Variants in CACNA2D1 observed in about 807,000 individuals in gnomAD.
CACNA2D1 encodes calcium voltage-gated channel auxiliary subunit alpha2delta 1.
CACNA2D1 carries 53 observed loss-of-function variants against 171.5 expected under a neutral mutation model. The ratio of observed to expected loss-of-function variants is 0.31; its 90% confidence interval spans 0.25 to 0.39. The LOEUF (loss-of-function observed/expected upper bound fraction) is 0.39. Among genes scored for constraint, CACNA2D1 ranks in the 10% least tolerant of loss-of-function variants. The probability of loss-of-function intolerance (pLI) is 1.00; values close to 1 mark genes in which losing one functional copy is unlikely to be tolerated. For synonymous variants in CACNA2D1, 442 were observed against 443.1 expected, an observed-to-expected ratio of 1.00 and a Z score of 0.03; for missense variants, 903 against 1,299.8, an observed-to-expected ratio of 0.69 and a Z score of 4.69.
intron 1 of CACNA2D1, among the ~76,000 whole-genome samples, chr7:82,397,557 A>ACAAAACAGTGAAGAAATACAAAGG (rs1301080524): frequency 6.6e-6 from 1 of 152,218 alleles, no homozygotes; most frequent in Admixed American, 6.5e-5. Context: ...GACAGAGTAC[A>ACAAAACAGTGAAGAAATACAAAGG]CAAAACAGTG....
chr7:82,393,273 A>C (rs1825399768), intron 1 of CACNA2D1, among the ~76,000 whole-genome samples: 2 of 152,146 alleles, frequency 1.3e-5, no homozygotes, highest in African/African-American at 4.8e-5. Context: ...AACAGAAATG[A>C]ATTTCATCTT....
intron 18 of CACNA2D1, among the ~76,000 whole-genome samples, chr7:82,000,621 C>T (rs1412759443): frequency 5.9e-5 from 9 of 151,758 alleles, no homozygotes; most frequent in South Asian, 2.1e-4. Flanking sequence ...GTTTTTGAGA[C>T]GGGGTCTCGC....
chr7:82,357,896 G>A (rs1403778810), intron 1 of CACNA2D1, among the ~76,000 whole-genome samples: 1 of 151,800 alleles, frequency 6.6e-6, no homozygotes, highest in Non-Finnish European at 1.5e-5. Context: ...TACAGTAAGG[G>A]ATTTATAGGA....
At chr7:82,425,391 G>A (rs995063603) in intron 1 of CACNA2D1, among the ~76,000 whole-genome samples, 3 of 152,152 alleles carry the variant, frequency 2.0e-5, no homozygotes, top group East Asian at 1.9e-4. Flanking sequence ...GGGCCACCAC[G>A]ACTCCTCAGC....
intron 4 of CACNA2D1, among the ~76,000 whole-genome samples, chr7:82,142,412 G>T (rs762780820): frequency 2.0e-5 from 3 of 152,110 alleles, no homozygotes; most frequent in African/African-American, 4.8e-5. Flanking sequence ...AATGTATATT[G>T]TGAGTGACAG....
At chr7:82,390,006 C>CG (rs1563478003) in intron 1 of CACNA2D1, among the ~76,000 whole-genome samples, 1 of 152,116 alleles carries the variant, frequency 6.6e-6, no homozygotes, top group African/African-American at 2.4e-5. Context: ...TTCCAGTCTG[C>CG]GGAAGTTTCT....
At chr7:82,386,372 A>AG (rs1333537386) in intron 1 of CACNA2D1, among the ~76,000 whole-genome samples, 1 of 152,180 alleles carries the variant, frequency 6.6e-6, no homozygotes, top group Non-Finnish European at 1.5e-5. Flanking sequence ...CATGAGATTG[A>AG]GGGGAAAAAT....
intron 6 of CACNA2D1, among the ~76,000 whole-genome samples, chr7:82,088,566 TTTTA>T (rs1384851557): frequency 6.6e-6 from 1 of 152,094 alleles, no homozygotes; most frequent in Non-Finnish European, 1.5e-5. Context: ...ATGTCAAAGA[TTTTA>T]TTTAATTGTG....
chr7:82,221,070 C>T (rs1801710193), intron 3 of CACNA2D1, among the ~76,000 whole-genome samples: 1 of 152,224 alleles, frequency 6.6e-6, no homozygotes, highest in African/African-American at 2.4e-5. Context: ...GGCACTGTGC[C>T]CAGCCCAGAA....
chr7:82,370,732 C>T (rs1476804833), intron 1 of CACNA2D1, among the ~76,000 whole-genome samples: 1 of 152,044 alleles, frequency 6.6e-6, no homozygotes, highest in East Asian at 1.9e-4. Context: ...CAAGAAAATG[C>T]TCAAGAGTGT....
At chr7:82,296,362 G>A (rs938050968) in intron 3 of CACNA2D1, among the ~76,000 whole-genome samples, 4 of 152,016 alleles carry the variant, frequency 2.6e-5, no homozygotes, top group South Asian at 2.1e-4. Context: ...TCTGACATCC[G>A]AATCAGTTAG....
rs530924225 is a variant in CACNA2D1, at chr7:81,976,269, A to C, written c.1956-1717T>G. Reference sequence around the variant, plus strand: ...TCCATATGAAATTTAGTTTTTTCTAATTCTGTGAAGAAAGTCAATGGTAGC... The same window carrying C: ...TCCATATGAAATTTAGTTTTTTCTACTTCTGTGAAGAAAGTCAATGGTAGC... On this transcript the variant is annotated intron_variant, in intron 24 of 38. Transcript: ENST00000356860. Among the ~76,000 whole-genome samples the C allele has an allele frequency of 1.2e-4, 18 of 152,228 alleles. No individual in the cohort carries two copies. In the South Asian group the frequency reaches 3.7e-3, roughly 32 times the overall value.
At chr7:82,156,604 G>T (rs954260588) in intron 4 of CACNA2D1, among the ~76,000 whole-genome samples, 1 of 151,200 alleles carries the variant, frequency 6.6e-6, no homozygotes, top group Non-Finnish European at 1.5e-5. Flanking sequence ...ATATAAATAA[G>T]AACTATAATT....
intron 36 of CACNA2D1, among the ~76,000 whole-genome samples, chr7:81,961,169 G>A (rs1042231528): frequency 1.3e-5 from 2 of 151,682 alleles, no homozygotes; most frequent in African/African-American, 2.4e-5. Context: ...TCTCTACTCT[G>A]TGCTTTGTAA....
At chr7:82,209,580 A>T (rs1800352649) in intron 3 of CACNA2D1, among the ~76,000 whole-genome samples, 1 of 152,130 alleles carries the variant, frequency 6.6e-6, no homozygotes, top group African/African-American at 2.4e-5. Context: ...TAGGGAACAA[A>T]CAGATTGGTT....
At chr7:82,148,254 G>T (rs1034334702) in intron 4 of CACNA2D1, among the ~76,000 whole-genome samples, 2 of 151,038 alleles carry the variant, frequency 1.3e-5, no homozygotes, top group African/African-American at 2.4e-5. Flanking sequence ...AAGGAGATTT[G>T]TAAGTTTCAA....
At chr7:82,441,875 A>T (rs2129460124) in intron 1 of CACNA2D1, among the ~76,000 whole-genome samples, 1 of 152,366 alleles carries the variant, frequency 6.6e-6, no homozygotes, top group Non-Finnish European at 1.5e-5. Flanking sequence ...TTAAAAAATT[A>T]AATGGAAGTG....
intron 3 of CACNA2D1, among the ~76,000 whole-genome samples, chr7:82,173,069 C>T (rs17247184): frequency 0.34 from 51,781 of 151,754 alleles, 10,600 homozygotes; most frequent in Non-Finnish European, 0.46. Context: ...CCAGATCTTT[C>T]CTCCTTGGGA....
chr7:82,358,595 A>C (rs191934389), intron 1 of CACNA2D1, among the ~76,000 whole-genome samples: 1 of 152,250 alleles, frequency 6.6e-6, no homozygotes, highest in Non-Finnish European at 1.5e-5. Flanking sequence ...GGAAAGGTAA[A>C]GTACTTGAGA....
Sources: allele counts gnomAD v4.1 joint callset (sites outside exome capture counted in the v4.1 genomes callset), GRCh38; gene constraint gnomAD v4.1.1; transcripts MANE v1.5; gene names NCBI Gene and HGNC (gene_info 2026-07-23, HGNC 2026-07-21).